ANO2: variants seen among roughly 807,000 people sequenced by gnomAD.
ANO2 encodes the protein anoctamin-2.
ANO2 carries 101 observed loss-of-function variants against 124.2 expected under a neutral mutation model. That is an observed-to-expected ratio of 0.81 (90% CI 0.69 to 0.96). The LOEUF is 0.96. Ranked by LOEUF, ANO2 falls within the 40% of genes least tolerant of loss-of-function variation. The pLI, the probability that ANO2 is intolerant of heterozygous loss-of-function variation, is 0.00. For missense variants in ANO2, 1,293 were observed against 1,274.5 expected, an observed-to-expected ratio of 1.01 and a Z score of -0.22; for synonymous variants, 486 against 482.5, an observed-to-expected ratio of 1.01 and a Z score of -0.09.
At chr12:5,748,860 C>T (rs1479776185) in intron 11 of ANO2, among the ~76,000 whole-genome samples, 3 of 127,172 alleles carry the variant, frequency 2.4e-5, no homozygotes, top group Admixed American at 8.3e-5. Flanking sequence ...TCCTTTTTCC[C>T]TTCACCCTCC....
intron 3 of ANO2, among the ~76,000 whole-genome samples, chr12:5,919,829 C>T (rs917243391): frequency 9.9e-5 from 15 of 152,266 alleles, no homozygotes; most frequent in African/African-American, 2.9e-4. Flanking sequence ...TCCCGAGTAG[C>T]TGGGACTACA....
chr12:5,805,111 C>A (rs1006389009), intron 9 of ANO2, among the ~76,000 whole-genome samples: 2 of 151,972 alleles, frequency 1.3e-5, no homozygotes, highest in Admixed American at 1.3e-4. Context: ...ATTCCCTGGG[C>A]AGGCAGAGAG....
At chr12:5,923,753 G>A (rs1184422813) in intron 1 of ANO2, among the ~76,000 whole-genome samples, 1 of 152,208 alleles carries the variant, frequency 6.6e-6, no homozygotes, top group Non-Finnish European at 1.5e-5. Context: ...AGATAGTCCA[G>A]CTGCACTTTG....
At chr12:5,901,254 A>G (rs1940186109) in intron 3 of ANO2, among the ~76,000 whole-genome samples, 1 of 152,206 alleles carries the variant, frequency 6.6e-6, no homozygotes, top group Non-Finnish European at 1.5e-5. Context: ...TTGGAACAGG[A>G]AGCAGCCAGA....
At chr12:5,625,903 C>T (rs1945375101) in intron 16 of ANO2, among the ~76,000 whole-genome samples, 2 of 152,140 alleles carry the variant, frequency 1.3e-5, no homozygotes, top group Admixed American at 1.3e-4. Flanking sequence ...TCTTTCTGAG[C>T]CTCAGTGTCC....
chr12:5,628,003 G>T (rs7138391), intron 16 of ANO2, among the ~76,000 whole-genome samples: 1 of 152,018 alleles, frequency 6.6e-6, no homozygotes, highest in Non-Finnish European at 1.5e-5. Context: ...AGGAGGCTGA[G>T]GTGGGAGGAT....
At chr12:5,771,091 C>T (rs1229144483) in intron 10 of ANO2, among the ~76,000 whole-genome samples, 1 of 152,230 alleles carries the variant, frequency 6.6e-6, no homozygotes, top group South Asian at 2.1e-4. Flanking sequence ...AGAATGTAAG[C>T]TCCATGAGAG....
chr12:5,576,137 AG>A, intron 22 of ANO2, 122 bp from the exon 23 acceptor site: 1 of 1,006,432 alleles, frequency 9.9e-7, no homozygotes, highest in East Asian at 2.7e-5. Context: ...CAGCATGATC[AG>A]GTCCCTGAGC....
intron 7 of ANO2, among the ~76,000 whole-genome samples, chr12:5,818,125 G>C (rs531688047): frequency 2.6e-5 from 4 of 151,044 alleles, no homozygotes; most frequent in African/African-American, 7.3e-5. Flanking sequence ...TGATTGGATC[G>C]CAGGATGCAA....
chr12:5,632,063 A>G (rs1945745876), intron 16 of ANO2, among the ~76,000 whole-genome samples: 1 of 152,182 alleles, frequency 6.6e-6, no homozygotes, highest in East Asian at 1.9e-4. Context: ...AGGAAGGATC[A>G]GGAAATCTTT....
chr12:5,574,012 T>C (rs975468144), intron 23 of ANO2, among the ~76,000 whole-genome samples: 2 of 152,228 alleles, frequency 1.3e-5, no homozygotes, highest in Non-Finnish European at 2.9e-5. Context: ...ATGGCAGACA[T>C]GCCCAGGGTC....
chr12:5,703,642 G>T (rs1949490776), intron 14 of ANO2, among the ~76,000 whole-genome samples: 2 of 152,024 alleles, frequency 1.3e-5, no homozygotes. Context: ...TAGGCCCTAG[G>T]CTCAAGTGAT....
intron 10 of ANO2, among the ~76,000 whole-genome samples, chr12:5,791,877 A>C (rs1952708332): frequency 1.3e-5 from 2 of 152,220 alleles, no homozygotes; most frequent in African/African-American, 4.8e-5. Context: ...ACTTTAATGA[A>C]TGTTATAATT....
chr12:5,886,720 A>C (rs1194021452), intron 3 of ANO2, among the ~76,000 whole-genome samples: 1 of 152,232 alleles, frequency 6.6e-6, no homozygotes, highest in African/African-American at 2.4e-5. Flanking sequence ...TGTACATATT[A>C]ATGTATTTCT....
At chr12:5,892,867 T>C (rs996281645) in intron 3 of ANO2, among the ~76,000 whole-genome samples, 5 of 152,308 alleles carry the variant, frequency 3.3e-5, no homozygotes, top group East Asian at 1.9e-4. Flanking sequence ...TCTGTGCAAA[T>C]AGACTATTCT....
At chr12:5,859,540 CTT>C (rs1263444825) in intron 3 of ANO2, among the ~76,000 whole-genome samples, 1 of 147,292 alleles carries the variant, frequency 6.8e-6, no homozygotes, top group Non-Finnish European at 1.5e-5. Context: ...GTCTCTCTCT[CTT>C]TTTTTTTTTC....
chr12:5,720,708 C>T (rs1252813859), intron 14 of ANO2, among the ~76,000 whole-genome samples: 2 of 152,142 alleles, frequency 1.3e-5, no homozygotes, highest in African/African-American at 2.4e-5. Context: ...GCCTTAGCTC[C>T]GAGTCTGGAT....
chr12:5,931,462 T>A (rs1942380196), intron 1 of ANO2, among the ~76,000 whole-genome samples: 1 of 151,780 alleles, frequency 6.6e-6, no homozygotes, highest in African/African-American at 2.4e-5. Context: ...AAGCCCTGGG[T>A]AATCACAAGG....
chr12:5,838,268 C>T (rs983577533), intron 4 of ANO2, among the ~76,000 whole-genome samples: 5 of 152,178 alleles, frequency 3.3e-5, no homozygotes, highest in African/African-American at 1.2e-4. Flanking sequence ...ATGGAGGATG[C>T]TCCATATCAC....
Sources: allele counts gnomAD v4.1 joint callset (sites outside exome capture counted in the v4.1 genomes callset), GRCh38; gene constraint gnomAD v4.1.1; transcripts MANE v1.5; gene names NCBI Gene and HGNC (gene_info 2026-07-23, HGNC 2026-07-21).